GPR83: variants seen among roughly 807,000 people sequenced by gnomAD.
GPR83 encodes the protein G protein-coupled receptor 83.
A neutral mutation model predicts 28.0 loss-of-function variants in GPR83; 23 were observed. The observed-to-expected ratio is 0.82, with a 90% CI of 0.59 to 1.16. The LOEUF is 1.16. Among genes scored for constraint, GPR83 ranks in the 50% most tolerant of loss-of-function variants. GPR83 has a pLI of 0.00. For missense variants in GPR83, 610 were observed against 536.6 expected, an observed-to-expected ratio of 1.14 and a Z score of -1.35; for synonymous variants, 234 against 215.4, an observed-to-expected ratio of 1.09 and a Z score of -0.76.
rs1297406706 is a variant in GPR83, at chr11:94,393,615, T to C, written c.517A>G (p.Ile173Val). 2.5e-6 allele frequency: 4 copies of C among 1,613,902 alleles called. No individual in the cohort carries two copies. The highest frequency in any genetic ancestry group is 2.2e-5 in the East Asian group (1 of 44,874). ...ATCCGGGGTTTCAAGGGGTGCATGA[T>C]GACCTGGAAAACAAGCAAACCACAT... Reference protein sequence around the residue: ...TAIAVDRHQVIMHPLKPRISI... With the variant: ...TAIAVDRHQVVMHPLKPRISI... Residue 173 changes from isoleucine (I) to valine (V), a missense_variant, in exon 3 of 4, where the codon ATC (isoleucine) becomes GTC (valine). Coordinates refer to ENST00000243673, the MANE Select transcript of GPR83 (RefSeq NM_016540.4).
At chr11:94,397,321 G>C (rs1273947694) in intron 1 of GPR83, among the ~76,000 whole-genome samples, 1 of 152,222 alleles carries the variant, frequency 6.6e-6, no homozygotes, top group African/African-American at 2.4e-5. Context: ...ATGCCTGAGA[G>C]AGATTGAGCA....
At position 94,401,175 on chromosome 11, in the gene GPR83, C is replaced by T. The variant is rs144981570; in HGVS notation, c.73G>A (p.Asp25Asn). 42 of 1,613,728 alleles carry T rather than the reference C, an allele frequency of 2.6e-5. No homozygotes were observed. The highest frequency in any genetic ancestry group is 1.6e-4 in the East Asian group (7 of 44,838). ...AGGGCCGCCTCCGCGCTCTGCTCGT[C>T]GGCCCGGCCCTCGTGGGGCTCGGTG... ...RATEPHEGRA[D>N]EQSAEAALAV... Residue 25 changes from aspartate (D) to asparagine (N), a missense_variant, in exon 1 of 4, where the codon GAC (aspartate) becomes AAC (asparagine). Coordinates refer to ENST00000243673, the MANE Select transcript of GPR83 (RefSeq NM_016540.4).
intron 3 of GPR83, among the ~76,000 whole-genome samples, chr11:94,386,791 A>G (rs1489966143): frequency 6.6e-6 from 1 of 152,244 alleles, no homozygotes; most frequent in Admixed American, 6.5e-5. Flanking sequence ...TAACAAGGAC[A>G]TCCAGTAATT....
intron 1 of GPR83, 69 bp from the exon 2 acceptor site, chr11:94,396,593 C>T (rs930379418): frequency 1.3e-6 from 2 of 1,537,956 alleles, no homozygotes; most frequent in African/African-American, 2.7e-5. Flanking sequence ...CTAGAGGTCT[C>T]TGAGGAGCAT....
In GPR83 at chr11:94,378,363, T is replaced by C. The variant is rs758681502; in HGVS notation, c.*1786A>G. The C allele has an allele frequency of 6.6e-6, 1 of 152,240 alleles. No homozygotes were observed. The highest frequency in any genetic ancestry group is 1.5e-5 in the Non-Finnish European group (1 of 68,050). The allele number at this position is 152,240 out of a possible 1,614,324, so 9.4% of individuals were successfully genotyped here. ...TCCTACTGAGCTCATATCCATGCTT[T>C]GATTTCAGAGTTTATCTGGTGCTAG... On this transcript the variant is annotated 3_prime_UTR_variant, in exon 4 of 4. Transcript: ENST00000243673.
Position 94,400,981 on chromosome 11 carries a change from G to C in GPR83, c.267C>G (p.Asn89Lys), listed in dbSNP as rs778760617. The C allele has an allele frequency of 6.2e-7, 1 of 1,614,154 alleles. No homozygotes were observed. Among genetic ancestry groups the C allele is most frequent in the Non-Finnish European group, 8.5e-7 (1 of 1,179,962 alleles). ...SFIIVFSLFG[N>K]VLVCHVIFKN... ...TGAAGATGACATGACAGACCAGGACGTTGCCAAAGAGTGAGAAGACAATGA... is the reference window on the plus strand; with the variant it reads ...TGAAGATGACATGACAGACCAGGACCTTGCCAAAGAGTGAGAAGACAATGA... The change falls in exon 1 of 4, where the codon AAC (asparagine) becomes AAG (lysine). Residue 89 changes from asparagine (N) to lysine (K), a missense_variant. By Grantham distance (94) the Asn-to-Lys change is moderately conservative (BLOSUM62 0). Transcript: ENST00000243673.
At chr11:94,381,893 C>A (rs1039527086) in intron 3 of GPR83, among the ~76,000 whole-genome samples, 9 of 152,150 alleles carry the variant, frequency 5.9e-5, no homozygotes, top group Non-Finnish European at 1.3e-4. Context: ...TCCTGTGGGG[C>A]AGGGGCAGCT....
intron 3 of GPR83, among the ~76,000 whole-genome samples, chr11:94,391,963 C>T (rs1275540572): frequency 1.3e-5 from 2 of 152,082 alleles, no homozygotes; most frequent in Non-Finnish European, 2.9e-5. Context: ...CCCAGCAATC[C>T]CATTATTGGG....
intron 3 of GPR83, among the ~76,000 whole-genome samples, chr11:94,386,115 G>C (rs913567972): frequency 1.3e-5 from 2 of 152,156 alleles, no homozygotes; most frequent in Non-Finnish European, 2.9e-5. Flanking sequence ...ATAAGTGAAG[G>C]AGAAATAAAT....
chr11:94,380,120 C>G lies in GPR83; in HGVS notation c.*29G>C, dbSNP rs763150214. The G allele has an allele frequency of 6.7e-7, 1 of 1,493,064 alleles. No homozygotes were observed. The highest frequency in any genetic ancestry group is 1.4e-5 in the South Asian group (1 of 69,410). The allele number at this position is 1,493,064 out of a possible 1,614,324, so 92.5% of individuals were successfully genotyped here. A position where few individuals can be genotyped will look rare whatever the true frequency, so the allele number is the denominator to read the frequency against. The stretch of plus-strand genomic sequence containing the variant: ...TTTCCCTGCCTCAGGTGGAGACAGA[C>G]CCCTCCCACTCCCTCTTCCCAACCT... On this transcript the variant is annotated 3_prime_UTR_variant, in exon 4 of 4. Transcript: ENST00000243673.
intron 2 of GPR83, among the ~76,000 whole-genome samples, chr11:94,396,187 T>G (rs1179279765): frequency 6.6e-6 from 1 of 152,154 alleles, no homozygotes; most frequent in Admixed American, 6.5e-5. Flanking sequence ...GCCACTGCAC[T>G]CCAGCCTGAG....
In GPR83 at chr11:94,401,236, G is replaced by A. The variant is rs145586939; in HGVS notation, c.12C>T (p.His4=). The change falls in exon 1 of 4, where the codon CAC becomes CAT. Residue 4 remains histidine (H), a synonymous_variant. Coordinates refer to ENST00000243673, the MANE Select transcript of GPR83 (RefSeq NM_016540.4). ...AGGGGAGGAGACAGAGCAGCAAGAG[G>A]TGAGGGACCATTTTGCAGGAGCCAC... is the stretch of plus-strand genomic sequence containing the variant. MVP[H]LLLLCLLPLV... 339 of 1,601,044 alleles carry A rather than the reference G, an allele frequency of 2.1e-4. No individual in the cohort carries two copies. Among genetic ancestry groups the A allele is most frequent in the Non-Finnish European group, 2.7e-4 (321 of 1,173,304 alleles).
chr11:94,383,827 T>C (rs1193397649), intron 3 of GPR83, among the ~76,000 whole-genome samples: 7 of 152,252 alleles, frequency 4.6e-5, no homozygotes, highest in African/African-American at 1.7e-4. Flanking sequence ...GTTCTGAAAT[T>C]GAGGCAGTAA....
chr11:94,379,382 A>C lies in GPR83; in HGVS notation c.*767T>G, dbSNP rs1325910068. On this transcript the variant is annotated 3_prime_UTR_variant, in exon 4 of 4. Transcript: ENST00000243673. ...CGAGATTCCATCTCAAAAAAAAAAA[A>C]AAAAAGAAAAAAAAAAGGTCATGCA... 2 of 151,526 alleles carry C rather than the reference A, an allele frequency of 1.3e-5. No homozygotes were observed. The highest frequency in any genetic ancestry group is 2.9e-5 in the Non-Finnish European group (2 of 67,902). The allele number at this position is 151,526 out of a possible 1,614,324, so 9.4% of individuals were successfully genotyped here.
rs1017030274 is a variant in GPR83 at position 94,380,224 on chromosome 11, G to C, written c.1197C>G (p.Asn399Lys). 1 of 1,524,712 alleles carries C rather than the reference G, an allele frequency of 6.6e-7. No individual in the cohort carries two copies. The highest frequency in any genetic ancestry group is 1.3e-5 in the South Asian group (1 of 75,612). 94.4% of individuals were successfully genotyped at this position (1,524,712 alleles called of 1,614,324 possible). ...NDGQRAPLANNLLPTSQLQSG... is the reference protein window; with the variant it reads ...NDGQRAPLANKLLPTSQLQSG... ...ACTGGAGTTGGGAGGTGGGCAGGAG[G>C]TTATTGGCAAGGGGAGCCCTCTGGC... is the stretch of plus-strand genomic sequence containing the variant. The change falls in exon 4 of 4, where the codon AAC becomes AAG. Residue 399 changes from asparagine (N) to lysine (K), a missense_variant. Asn to Lys is a moderately conservative substitution (Grantham distance 94). Coordinates refer to ENST00000243673, the MANE Select transcript of GPR83 (RefSeq NM_016540.4).
chr11:94,396,833 A>C (rs1434600481), intron 1 of GPR83, among the ~76,000 whole-genome samples: 1 of 151,480 alleles, frequency 6.6e-6, no homozygotes, highest in Non-Finnish European at 1.5e-5. Context: ...GGCTTGGGCA[A>C]GATAGGTAAC....
rs1441113543 is a variant in GPR83 at position 94,378,886 on chromosome 11, G to C, written c.*1263C>G. On this transcript the variant is annotated 3_prime_UTR_variant, in exon 4 of 4. Coordinates refer to ENST00000243673, the MANE Select transcript of GPR83 (RefSeq NM_016540.4). ...AGTTTGATTCCCTGGTTCATCTTGA[G>C]GCTGCCTCTAAGGAGGGGCATGTGA... 69 of 152,230 alleles carry C rather than the reference G, an allele frequency of 4.5e-4. No individual in the cohort carries two copies. Among genetic ancestry groups the C allele is most frequent in the Non-Finnish European group, 2.9e-5 (2 of 68,006 alleles). The allele number at this position is 152,230 out of a possible 1,614,324, so 9.4% of individuals were successfully genotyped here.
intron 3 of GPR83, among the ~76,000 whole-genome samples, chr11:94,382,712 C>A (rs1409145146): frequency 3.3e-5 from 5 of 152,166 alleles, no homozygotes; most frequent in Non-Finnish European, 7.3e-5. Flanking sequence ...CTCTCCACCC[C>A]AAATCAACAG....
chr11:94,392,481 T>A (rs572124141), intron 3 of GPR83, among the ~76,000 whole-genome samples: 2 of 152,088 alleles, frequency 1.3e-5, no homozygotes, highest in South Asian at 2.1e-4. Flanking sequence ...CAAATTTTTT[T>A]AAAAAGACAT....
Sources: allele counts gnomAD v4.1 joint callset (sites outside exome capture counted in the v4.1 genomes callset), GRCh38; gene constraint gnomAD v4.1.1; transcripts MANE v1.5; gene names NCBI Gene and HGNC (gene_info 2026-07-23, HGNC 2026-07-21).